Variants in TSPAN13 observed in about 807,000 individuals in gnomAD.
TSPAN13 encodes tetraspanin 13, also known as tetraspanin-13.
Under a neutral mutation model 26.9 loss-of-function variants are expected in TSPAN13, and 18 were observed. The observed-to-expected ratio is 0.67, with a 90% CI of 0.46 to 0.99. The LOEUF (loss-of-function observed/expected upper bound fraction) is 0.99. Ranked by LOEUF, TSPAN13 falls within the 50% of genes least tolerant of loss-of-function variation. The probability of loss-of-function intolerance (pLI) is 0.00; values close to 1 mark genes in which losing one functional copy is unlikely to be tolerated. For missense variants in TSPAN13, 201 were observed against 249.6 expected (o/e 0.81, Z 1.31); for synonymous variants, 116 against 98.4 (o/e 1.18, Z -1.06).
chr7:16,783,714 G>A lies in TSPAN13; in HGVS notation c.*223G>A, dbSNP rs1784840024. ...TGGTCTCTGAAGCTCGGTGGCACCT[G>A]GAATTTACTGTATTCATTGTCGGGC... is the stretch of plus-strand genomic sequence containing the variant. On this transcript the variant is annotated 3_prime_UTR_variant, in exon 6 of 6. Coordinates refer to ENST00000262067, the MANE Select transcript of TSPAN13 (RefSeq NM_014399.4). 2 of 549,756 alleles carry A rather than the reference G, an allele frequency of 3.6e-6. No individual in the cohort carries two copies. Among genetic ancestry groups the A allele is most frequent in the South Asian group, 2.4e-5 (1 of 40,982 alleles). The allele number at this position is 549,756 out of a possible 1,614,324, so 34.1% of individuals were successfully genotyped here.
chr7:16,776,124 T>G, intron 1 of TSPAN13, 87 bp from the exon 2 acceptor site: 1 of 1,338,712 alleles, frequency 7.5e-7, no homozygotes, highest in Non-Finnish European at 1.0e-6. Flanking sequence ...GCCTGAAGGA[T>G]ATTGTTGATA....
At chr7:16,775,089 A>AT (rs1784726783) in intron 1 of TSPAN13, among the ~76,000 whole-genome samples, 1 of 152,114 alleles carries the variant, frequency 6.6e-6, no homozygotes, top group African/African-American at 2.4e-5. Flanking sequence ...TAGAAAATAT[A>AT]TTTTTTTATG....
At chr7:16,759,795 C>T (rs1236242677) in intron 1 of TSPAN13, among the ~76,000 whole-genome samples, 1 of 150,522 alleles carries the variant, frequency 6.6e-6, no homozygotes, top group African/African-American at 2.4e-5. Flanking sequence ...CTCAAGTGAT[C>T]CTCCCACATC....
At chr7:16,763,837 T>C (rs10238328) in intron 1 of TSPAN13, among the ~76,000 whole-genome samples, 67,013 of 151,944 alleles carry the variant, frequency 0.44, 15,671 homozygotes, top group African/African-American at 0.57. Flanking sequence ...AAAAACAACA[T>C]GTGTCTAAGA....
At chr7:16,761,312 A>G (rs1296517727) in intron 1 of TSPAN13, among the ~76,000 whole-genome samples, 1 of 152,184 alleles carries the variant, frequency 6.6e-6, no homozygotes, top group East Asian at 1.9e-4. Context: ...TCAACACTCA[A>G]TGTCTGGCTA....
At chr7:16,769,869 C>G (rs1252030592) in intron 1 of TSPAN13, among the ~76,000 whole-genome samples, 1 of 152,106 alleles carries the variant, frequency 6.6e-6, no homozygotes, top group African/African-American at 2.4e-5. Context: ...TTATTTTTAT[C>G]TTACCATTAG....
intron 1 of TSPAN13, among the ~76,000 whole-genome samples, chr7:16,764,134 C>T (rs570456380): frequency 2.0e-5 from 3 of 152,150 alleles, no homozygotes; most frequent in Non-Finnish European, 2.9e-5. Context: ...TCTCCTGCCT[C>T]AGTCTTCTGA....
In TSPAN13 at chr7:16,776,254, G is replaced by T; in HGVS notation, c.107G>T (p.Gly36Val). The change falls in exon 2 of 6, where the codon GGC becomes GTC. Residue 36 changes from glycine to valine, a missense_variant. Gly to Val is a moderately radical substitution (Grantham distance 109). Coordinates refer to ENST00000262067, the MANE Select transcript of TSPAN13 (RefSeq NM_014399.4). ...LLIGIAAWGI[G>V]FGLISSLRVV... Reference sequence around the variant, plus strand: ...ATTGGAATTGCTGCGTGGGGCATTGGCTTCGGGCTGATTTCCAGTCTCCGA... The same window carrying T: ...ATTGGAATTGCTGCGTGGGGCATTGTCTTCGGGCTGATTTCCAGTCTCCGA... The T allele has an allele frequency of 1.9e-6, 3 of 1,613,970 alleles. No homozygotes were observed. Among genetic ancestry groups the T allele is most frequent in the Non-Finnish European group, 2.5e-6 (3 of 1,179,986 alleles).
intron 1 of TSPAN13, among the ~76,000 whole-genome samples, chr7:16,762,192 A>G (rs1017615710): frequency 2.0e-5 from 3 of 152,358 alleles, no homozygotes; most frequent in African/African-American, 7.2e-5. Context: ...ATGGAACATC[A>G]TTAGGCTGAC....
chr7:16,755,017 A>G (rs1338195711), intron 1 of TSPAN13, among the ~76,000 whole-genome samples: 3 of 152,232 alleles, frequency 2.0e-5, no homozygotes, highest in African/African-American at 7.2e-5. Flanking sequence ...AGTGGAACCT[A>G]GGCTGTGGAA....
intron 1 of TSPAN13, 25 bp from the exon 2 acceptor site, chr7:16,776,186 C>G: frequency 6.2e-7 from 1 of 1,610,440 alleles, no homozygotes. Flanking sequence ...CGTCCTCTAC[C>G]CCTGCCCCCT....
intron 1 of TSPAN13, among the ~76,000 whole-genome samples, chr7:16,759,811 A>G (rs1200154322): frequency 6.6e-6 from 1 of 150,732 alleles, no homozygotes; most frequent in East Asian, 2.0e-4. Context: ...ACATCAGCCT[A>G]CCTAGTAGCT....
At chr7:16,761,091 G>T (rs948051509) in intron 1 of TSPAN13, among the ~76,000 whole-genome samples, 1 of 152,080 alleles carries the variant, frequency 6.6e-6, no homozygotes, top group African/African-American at 2.4e-5. Flanking sequence ...ACCTCAAACT[G>T]GTTACCCTTG....
intron 1 of TSPAN13, among the ~76,000 whole-genome samples, chr7:16,774,893 T>C (rs1275034886): frequency 1.3e-5 from 2 of 152,224 alleles, no homozygotes; most frequent in Non-Finnish European, 2.9e-5. Context: ...TAGACACTCA[T>C]GTAGCAGTTT....
At chr7:16,775,980 TC>T in intron 1 of TSPAN13, 1 of 411,302 alleles carries the variant, frequency 2.4e-6, no homozygotes, top group Non-Finnish European at 4.3e-6. Context: ...GTATTATCAG[TC>T]TTTTTTTTTC....
rs1784845228 is a variant in TSPAN13 at position 16,784,097 on chromosome 7, C to T, written c.*606C>T. ...TAGGAAATTGTGGTTTAATTTTTGA[C>T]TTTTACAGGTAAGTGCAAAGGAGAA... On this transcript the variant is annotated 3_prime_UTR_variant, in exon 6 of 6. Coordinates refer to ENST00000262067, the MANE Select transcript of TSPAN13 (RefSeq NM_014399.4). The T allele has an allele frequency of 6.6e-6, 1 of 152,544 alleles. No homozygotes were observed. Among genetic ancestry groups the T allele is most frequent in the Admixed American group, 6.5e-5 (1 of 15,274 alleles). 9.4% of individuals were successfully genotyped at this position (152,544 alleles called of 1,614,324 possible). A position where few individuals can be genotyped will look rare whatever the true frequency, so the allele number is the denominator to read the frequency against.
At chr7:16,756,953 T>G (rs1784487140) in intron 1 of TSPAN13, among the ~76,000 whole-genome samples, 3 of 152,218 alleles carry the variant, frequency 2.0e-5, no homozygotes, top group Non-Finnish European at 4.4e-5. Flanking sequence ...ATTTACTACC[T>G]TTTATACATA....
Position 16,777,909 on chromosome 7 carries a change from G to A in TSPAN13, c.424G>A (p.Ala142Thr). The change falls in exon 4 of 6, where the codon GCT (alanine) becomes ACT (threonine). Residue 142 changes from alanine to threonine, a missense_variant and splice_region_variant. Transcript: ENST00000262067. The stretch of plus-strand genomic sequence containing the variant: ...TGTTAACCCAAATGACACCTGTCTG[G>A]CTGTAAGTACATTGTATAATATATG... ...RSVNPNDTCL[A>T]SCVKSDHSCS... The A allele has an allele frequency of 6.2e-7, 1 of 1,608,184 alleles. No homozygotes were observed. The highest frequency in any genetic ancestry group is 1.1e-5 in the South Asian group (1 of 90,600).
rs139632503 is a variant in TSPAN13, at chr7:16,771,161, C to G, written c.64-5050C>G. Among the ~76,000 whole-genome samples the G allele has an allele frequency of 1.3e-3, 205 of 152,356 alleles. 1 individual carries two copies. Among genetic ancestry groups the G allele is most frequent in the African/African-American group, 4.8e-3 (200 of 41,578 alleles). On this transcript the variant is annotated intron_variant, in intron 1 of 5. Transcript: ENST00000262067. ...CAGCACCAGCTGTATGCTTACAGTT[C>G]TAGCTTTCGATTCTCCTTTCATTTC...
Sources: allele counts gnomAD v4.1 joint callset (sites outside exome capture counted in the v4.1 genomes callset), GRCh38; gene constraint gnomAD v4.1.1; transcripts MANE v1.5; gene names NCBI Gene and HGNC (gene_info 2026-07-23, HGNC 2026-07-21).